The following PGAP1 variants were observed in gnomAD, a reference collection of about 807,000 sequenced individuals.
The protein encoded by PGAP1 is GPI inositol-deacylase.
A neutral mutation model predicts 127.0 loss-of-function variants in PGAP1; 76 were observed. The ratio of observed to expected loss-of-function variants is 0.60; its 90% CI spans 0.50 to 0.72. PGAP1 has a LOEUF of 0.72. Among genes scored for constraint, PGAP1 ranks in the 30% least tolerant of loss-of-function variants. PGAP1 has a pLI of 0.00. For missense variants in PGAP1, 982 were observed against 1,071.3 expected (o/e 0.92, Z 1.16); for synonymous variants, 362 against 366.5 (o/e 0.99, Z 0.14).
At chr2:196,862,926 A>G (rs1403897633) in intron 20 of PGAP1, among the ~76,000 whole-genome samples, 2 of 152,210 alleles carry the variant, frequency 1.3e-5, no homozygotes, top group African/African-American at 2.4e-5. Context: ...CTCAAAAAGA[A>G]AAAAGACATA....
chr2:196,869,394 G>A (rs1366508874), intron 19 of PGAP1, among the ~76,000 whole-genome samples: 1 of 152,076 alleles, frequency 6.6e-6, no homozygotes, highest in Non-Finnish European at 1.5e-5. Context: ...GGAGTGCAGT[G>A]GCGCGATCTC....
At chr2:196,918,964 A>T (rs1703097664) in intron 2 of PGAP1, among the ~76,000 whole-genome samples, 2 of 152,142 alleles carry the variant, frequency 1.3e-5, no homozygotes, top group South Asian at 4.1e-4. Flanking sequence ...AGCTTATATG[A>T]TATGGCCCGT....
At position 196,839,384 on chromosome 2, in the gene PGAP1, G is replaced by A. The variant is rs574437278; in HGVS notation, c.*1850C>T. On this transcript the variant is annotated 3_prime_UTR_variant, in exon 27 of 27. Transcript: ENST00000354764. ...GATGTGTCCCTATTTAAACATATACGTGGTATGCCATGGGACAAGTATATA... is the reference window on the plus strand; with the variant it reads ...GATGTGTCCCTATTTAAACATATACATGGTATGCCATGGGACAAGTATATA... The A allele has an allele frequency of 1.3e-5, 2 of 152,136 alleles. No individual in the cohort carries two copies. Among genetic ancestry groups the A allele is most frequent in the South Asian group, 2.1e-4 (1 of 4,822 alleles). The allele number at this position is 152,136 out of a possible 1,614,324, so 9.4% of individuals were successfully genotyped here.
chr2:196,888,914 A>C (rs1167010615), intron 10 of PGAP1, among the ~76,000 whole-genome samples: 2 of 152,220 alleles, frequency 1.3e-5, no homozygotes, highest in African/African-American at 4.8e-5. Context: ...AAAAAGTGTA[A>C]ATAAATAAAT....
chr2:196,885,667 G>T (rs1225926720), intron 11 of PGAP1, among the ~76,000 whole-genome samples, 167 bp downstream of exon 11: 2 of 151,964 alleles, frequency 1.3e-5, no homozygotes, highest in African/African-American at 4.8e-5. Flanking sequence ...TTCAATGTTT[G>T]CAAAAATTAC....
intron 20 of PGAP1, among the ~76,000 whole-genome samples, chr2:196,856,750 C>CCTT (rs1700896257): frequency 1.3e-5 from 2 of 152,162 alleles, no homozygotes; most frequent in South Asian, 4.1e-4. Context: ...ATCATGAGAC[C>CCTT]CTTACCCTTC....
At chr2:196,889,627 C>T (rs546380078) in intron 10 of PGAP1, among the ~76,000 whole-genome samples, 3 of 151,822 alleles carry the variant, frequency 2.0e-5, no homozygotes, top group Admixed American at 6.6e-5. Context: ...GAGGCCGAGG[C>T]GGGCGGATCA....
At chr2:196,849,105 A>C (rs545421227) in intron 20 of PGAP1, among the ~76,000 whole-genome samples, 5 of 152,322 alleles carry the variant, frequency 3.3e-5, no homozygotes, top group Non-Finnish European at 5.9e-5. Context: ...TAGATTAACC[A>C]GCATCAAATA....
At chr2:196,891,270 T>G (rs1485750244) in intron 9 of PGAP1, among the ~76,000 whole-genome samples, 1 of 152,200 alleles carries the variant, frequency 6.6e-6, no homozygotes, top group Non-Finnish European at 1.5e-5. Flanking sequence ...TACCAGATTA[T>G]GGTTTTGAGA....
At chr2:196,855,659 G>T (rs1056190280) in intron 20 of PGAP1, among the ~76,000 whole-genome samples, 4 of 152,010 alleles carry the variant, frequency 2.6e-5, no homozygotes, top group African/African-American at 9.7e-5. Context: ...CAGGCAATTT[G>T]GTAAAGTATA....
rs566621525 is a variant in PGAP1, at chr2:196,926,631, C to T, written c.-15G>A. The T allele has an allele frequency of 6.3e-7, 1 of 1,599,210 alleles. No individual in the cohort carries two copies. The highest frequency in any genetic ancestry group is 1.1e-5 in the South Asian group (1 of 90,278). On this transcript the variant is annotated 5_prime_UTR_variant, in exon 1 of 27. Coordinates refer to ENST00000354764, the MANE Select transcript of PGAP1 (RefSeq NM_024989.4). ...TGAAGAAACATGGTGCCGCCACCAC[C>T]GCCGCCGCCGCCGCCGCCCCCTCTA...
chr2:196,893,342 T>C (rs1702165296), intron 7 of PGAP1, 97 bp from the exon 8 acceptor site: 2 of 632,508 alleles, frequency 3.2e-6, no homozygotes, highest in Middle Eastern at 3.3e-4. Context: ...CCAACATTTA[T>C]TACTCTGAGC....
intron 25 of PGAP1, 79 bp from the exon 26 acceptor site, chr2:196,842,904 T>C (rs549580875): frequency 7.9e-6 from 5 of 635,010 alleles, no homozygotes; most frequent in African/African-American, 7.7e-5. Context: ...AGGATAAATA[T>C]TGTTAAAGAC....
intron 2 of PGAP1, among the ~76,000 whole-genome samples, chr2:196,917,928 C>G (rs1703069253): frequency 6.6e-6 from 1 of 152,168 alleles, no homozygotes; most frequent in Non-Finnish European, 1.5e-5. Context: ...TCCAAAGTGG[C>G]TGCACATTTT....
intron 7 of PGAP1, among the ~76,000 whole-genome samples, chr2:196,894,341 T>C (rs1167128807): frequency 1.3e-5 from 2 of 152,196 alleles, no homozygotes; most frequent in Non-Finnish European, 2.9e-5. Flanking sequence ...ATGCATGAAA[T>C]AGAATACAGT....
chr2:196,913,074 G>A lies in PGAP1; in HGVS notation c.478-21C>T, dbSNP rs567741657. The A allele has an allele frequency of 9.2e-5, 144 of 1,566,492 alleles. 3 individuals are homozygous for A. The South Asian group carries it at 1.7e-3, about 18-fold the overall frequency. On this transcript the variant is annotated intron_variant, in intron 3 of 26. Coordinates refer to ENST00000354764, the MANE Select transcript of PGAP1 (RefSeq NM_024989.4). ...TGACCCTATTAAAATAAATCACCAG[G>A]TCATAATTGCGGCTTTGTATCATTT...
intron 7 of PGAP1, among the ~76,000 whole-genome samples, chr2:196,894,105 T>G (rs1270301440): frequency 1.3e-5 from 2 of 152,226 alleles, no homozygotes; most frequent in African/African-American, 2.4e-5. Context: ...ATGCTTTATT[T>G]AGAGCAAATA....
chr2:196,846,323 T>C (rs1700554775), intron 22 of PGAP1, among the ~76,000 whole-genome samples: 1 of 152,130 alleles, frequency 6.6e-6, no homozygotes, highest in Admixed American at 6.5e-5. Flanking sequence ...TCTCCAGTCT[T>C]GACAGGAGGA....
At chr2:196,919,090 T>C (rs1703102282) in intron 2 of PGAP1, among the ~76,000 whole-genome samples, 1 of 152,134 alleles carries the variant, frequency 6.6e-6, no homozygotes, top group African/African-American at 2.4e-5. Flanking sequence ...TCAAATGTCA[T>C]CTCCTCACAA....
Sources: allele counts gnomAD v4.1 joint callset (sites outside exome capture counted in the v4.1 genomes callset), GRCh38; gene constraint gnomAD v4.1.1; transcripts MANE v1.5; gene names NCBI Gene and HGNC (gene_info 2026-07-23, HGNC 2026-07-21).